The following LRRC47 variants were observed in gnomAD, a reference collection of about 807,000 sequenced individuals.
LRRC47 encodes the protein leucine rich repeat containing 47, also known as leucine-rich repeat-containing protein 47.
Under a neutral mutation model 40.9 loss-of-function variants are expected in LRRC47, and 31 were observed. The ratio of observed to expected loss-of-function variants is 0.76; its 90% CI spans 0.57 to 1.02. The LOEUF (loss-of-function observed/expected upper bound fraction) is 1.02. LRRC47 is among the 50% of genes least tolerant of loss of function. LRRC47 has a pLI of 0.00. For missense variants in LRRC47, 726 were observed against 796.1 expected, an observed-to-expected ratio of 0.91 and a Z score of 1.06; for synonymous variants, 427 against 371.9, an observed-to-expected ratio of 1.15 and a Z score of -1.70.
In LRRC47 at chr1:3,796,188, G is replaced by T. The variant is rs1422791560; in HGVS notation, c.289C>A (p.Pro97Thr). ...LGPGLSPELG[P>T]LPALRVLDLS... Reference sequence around the variant, plus strand: ...TCGAGCACCCGAAGGGCAGGCAGCGGCCCGAGCTCGGGGCTCAGGCCGGGC... The same window carrying T: ...TCGAGCACCCGAAGGGCAGGCAGCGTCCCGAGCTCGGGGCTCAGGCCGGGC... The change falls in exon 1 of 7, where the codon CCG becomes ACG. Residue 97 changes from proline to threonine, a missense_variant. Transcript: ENST00000378251. 2.1e-6 allele frequency: 3 copies of T among 1,437,052 alleles called. No individual in the cohort carries two copies. The highest frequency in any genetic ancestry group is 2.7e-6 in the Non-Finnish European group (3 of 1,101,540). 89.0% of individuals were successfully genotyped at this position (1,437,052 alleles called of 1,614,324 possible).
intron 2 of LRRC47, 36 bp from the exon 3 acceptor site, chr1:3,785,239 G>A (rs748232759): frequency 1.9e-5 from 27 of 1,429,630 alleles, no homozygotes; most frequent in Non-Finnish European, 2.3e-5. Flanking sequence ...AAGGTCTCTT[G>A]TGCCCTGAAG....
In LRRC47 at chr1:3,787,021, C is replaced by T. The variant is rs746722593; in HGVS notation, c.905G>A (p.Gly302Glu). ...CCTGAGCAGCAGCCGGCCGGCATCT[C>T]CCACGTCCTGCTCCTCCCCATCACC... ...EGGDGEEQDV[G>E]DAGRLLLRVL... The change falls in exon 2 of 7, where the codon GGA becomes GAA. Residue 302 changes from glycine (G) to glutamate (E), a missense_variant. Coordinates refer to ENST00000378251, the MANE Select transcript of LRRC47 (RefSeq NM_020710.3). 1 of 1,611,896 alleles carries T rather than the reference C, an allele frequency of 6.2e-7. No homozygotes were observed.
At chr1:3,795,053 C>CAAA (rs35186516) in intron 1 of LRRC47, among the ~76,000 whole-genome samples, 748 of 61,434 alleles carry the variant, frequency 0.012, 12 homozygotes, top group East Asian at 0.018. Flanking sequence ...GACTACATCT[C>CAAA]AAAAAAAAAA....
At chr1:3,787,954 G>A (rs1334711174) in intron 1 of LRRC47, among the ~76,000 whole-genome samples, 1 of 152,226 alleles carries the variant, frequency 6.6e-6, no homozygotes, top group African/African-American at 2.4e-5. Flanking sequence ...ACCACCGTGT[G>A]CCACAAAGAT....
At position 3,780,692 on chromosome 1, in the gene LRRC47, C is replaced by T. The variant is rs1557639514; in HGVS notation, c.*396G>A. Reference sequence around the variant, plus strand: ...ACAGCTCACGCCTGTAATCCCAGCACTTTGGGAGGCTGAGGCGGGTGGATC... The same window carrying T: ...ACAGCTCACGCCTGTAATCCCAGCATTTTGGGAGGCTGAGGCGGGTGGATC... On this transcript the variant is annotated 3_prime_UTR_variant, in exon 7 of 7. Coordinates refer to ENST00000378251, the MANE Select transcript of LRRC47 (RefSeq NM_020710.3). 1 of 178,770 alleles carries T rather than the reference C, an allele frequency of 5.6e-6. No individual in the cohort carries two copies. The highest frequency in any genetic ancestry group is 1.2e-5 in the Non-Finnish European group (1 of 85,144). 11.1% of individuals were successfully genotyped at this position (178,770 alleles called of 1,614,324 possible). A position where few individuals can be genotyped will look rare whatever the true frequency, so the allele number is the denominator to read the frequency against.
intron 4 of LRRC47, 26 bp downstream of exon 4, chr1:3,783,970 C>A (rs745368866): frequency 6.3e-7 from 1 of 1,582,066 alleles, no homozygotes; most frequent in African/African-American, 1.3e-5. Context: ...CGGGCCCGGC[C>A]CCACCCCACC....
Position 3,796,165 on chromosome 1 carries a change from G to A in LRRC47, c.312C>T (p.Leu104=). 1.4e-6 allele frequency: 2 copies of A among 1,442,696 alleles called. No individual in the cohort carries two copies. Among genetic ancestry groups the A allele is most frequent in the Non-Finnish European group, 1.8e-6 (2 of 1,104,928 alleles). 89.4% of individuals were successfully genotyped at this position (1,442,696 alleles called of 1,614,324 possible). ...ELGPLPALRV[L]DLSGNALEAL... ...CCTCCAGCGCGTTGCCCGACAGGTC[G>A]AGCACCCGAAGGGCAGGCAGCGGCC... The change falls in exon 1 of 7, where the codon CTC becomes CTT. Residue 104 remains leucine, a synonymous_variant. Coordinates refer to ENST00000378251, the MANE Select transcript of LRRC47 (RefSeq NM_020710.3).
chr1:3,781,418 C>T (rs1303310994), intron 6 of LRRC47, 82 bp from the exon 7 acceptor site: 1 of 1,572,816 alleles, frequency 6.4e-7, no homozygotes. Flanking sequence ...ACACAGTAAG[C>T]AAAAAAGAGG....
chr1:3,793,449 T>C (rs1227547641), intron 1 of LRRC47, among the ~76,000 whole-genome samples: 2 of 152,186 alleles, frequency 1.3e-5, no homozygotes, highest in Admixed American at 6.5e-5. Context: ...TGGGAGACAT[T>C]TGTAATTTAA....
intron 1 of LRRC47, among the ~76,000 whole-genome samples, chr1:3,791,249 C>G (rs975415601): frequency 7.9e-5 from 12 of 152,388 alleles, no homozygotes; most frequent in Non-Finnish European, 1.6e-4. Context: ...CGCAGAGCCG[C>G]TGCTGCTTTA....
intron 1 of LRRC47, among the ~76,000 whole-genome samples, chr1:3,789,803 C>T (rs112989329): frequency 2.6e-5 from 4 of 152,334 alleles, no homozygotes; most frequent in South Asian, 4.1e-4. Context: ...GCCCTGCTGA[C>T]GAGGTCGCAC....
chr1:3,791,200 A>G (rs1643623599), intron 1 of LRRC47, among the ~76,000 whole-genome samples: 2 of 152,036 alleles, frequency 1.3e-5, no homozygotes, highest in Non-Finnish European at 2.9e-5. Context: ...AGCACTGTCC[A>G]CTGTTCACTG....
chr1:3,785,291 G>A, intron 2 of LRRC47, 88 bp from the exon 3 acceptor site: 15 of 949,602 alleles, frequency 1.6e-5, no homozygotes, highest in Non-Finnish European at 2.2e-5. Flanking sequence ...TGGGCTGTGT[G>A]CCAGGAAACC....
chr1:3,781,481 C>T (rs758522107), intron 6 of LRRC47, 31 bp downstream of exon 6: 45 of 1,603,518 alleles, frequency 2.8e-5, no homozygotes, highest in Middle Eastern at 1.6e-4. Context: ...CGCTCAAAAG[C>T]GTTTCTCAGG....
Position 3,787,215 on chromosome 1 carries a change from C to G in LRRC47, c.711G>C (p.Leu237=). The G allele has an allele frequency of 6.2e-7, 1 of 1,613,840 alleles. No individual in the cohort carries two copies. The highest frequency in any genetic ancestry group is 8.5e-7 in the Non-Finnish European group (1 of 1,180,042). Residue 237 remains leucine (L), a synonymous_variant, in exon 2 of 7, where the codon CTG becomes CTC. Transcript: ENST00000378251. ...CCATCTTCTCCAGGCGCTTGTCCCT[C>G]AGCTTGTTCCCACGGAAATTGATCT... is the stretch of plus-strand genomic sequence containing the variant. ...LKEINFRGNK[L]RDKRLEKMVS... is the part of the protein sequence containing the mutation.
intron 4 of LRRC47, among the ~76,000 whole-genome samples, chr1:3,783,504 T>A (rs546816430): frequency 2.0e-5 from 3 of 151,156 alleles, no homozygotes; most frequent in African/African-American, 7.3e-5. Flanking sequence ...ACAAATTAAG[T>A]GTAATATCAA....
chr1:3,781,400 G>T, intron 6 of LRRC47, 64 bp from the exon 7 acceptor site: 1 of 1,581,922 alleles, frequency 6.3e-7, no homozygotes, highest in Non-Finnish European at 8.7e-7. Context: ...ACATGCTGCT[G>T]TCTGCCAACA....
At chr1:3,785,261 G>T in intron 2 of LRRC47, 58 bp from the exon 3 acceptor site, 1 of 1,262,246 alleles carries the variant, frequency 7.9e-7, no homozygotes, top group Non-Finnish European at 1.1e-6. Flanking sequence ...CCAGCGAGGT[G>T]TCCACACTTC....
rs754687954 is a variant in LRRC47, at chr1:3,787,297, G to C, written c.629C>G (p.Ser210Trp). 1.9e-6 allele frequency: 3 copies of C among 1,611,332 alleles called. No individual in the cohort carries two copies. Among genetic ancestry groups the C allele is most frequent in the Non-Finnish European group, 2.5e-6 (3 of 1,179,698 alleles). Residue 210 changes from serine to tryptophan, a missense_variant, in exon 2 of 7, where the codon TCG becomes TGG. By Grantham distance (177) the Ser-to-Trp change is radical. Transcript: ENST00000378251. ...AGGGATCTCGCTCAGCTGGTTGTTC[G>C]AGAGGTCCAACGTCTGCAAAGAGAA... ...HLASLKTLDL[S>W]NNQLSEIPAE... is the part of the protein sequence containing the mutation.
Sources: allele counts gnomAD v4.1 joint callset (sites outside exome capture counted in the v4.1 genomes callset), GRCh38; gene constraint gnomAD v4.1.1; transcripts MANE v1.5; gene names NCBI Gene and HGNC (gene_info 2026-07-23, HGNC 2026-07-21).